CAPN2: variants seen among roughly 807,000 people sequenced by gnomAD.
The protein encoded by CAPN2 is calpain 2, also known as calpain-2 catalytic subunit.
CAPN2 carries 92 observed loss-of-function variants against 102.3 expected under a neutral mutation model. That is an observed-to-expected ratio of 0.90 (90% CI 0.76 to 1.07). The LOEUF (loss-of-function observed/expected upper bound fraction) is 1.07. Among genes scored for constraint, CAPN2 ranks in the 50% least tolerant of loss-of-function variants. The pLI is 0.00. For missense variants in CAPN2, 800 were observed against 909.4 expected (o/e 0.88, Z 1.55); for synonymous variants, 340 against 355.4 (o/e 0.96, Z 0.49).
chr1:223,757,284 G>A (rs1306585431), intron 10 of CAPN2, 85 bp from the exon 11 acceptor site: 13 of 1,432,572 alleles, frequency 9.1e-6, no homozygotes, highest in East Asian at 2.3e-5. Context: ...CAGAGAAAAC[G>A]GGGGCAGCGG....
intron 8 of CAPN2, 45 bp from the exon 9 acceptor site, chr1:223,752,751 G>A (rs1310475556): frequency 6.2e-7 from 1 of 1,603,404 alleles, no homozygotes; most frequent in Non-Finnish European, 8.5e-7. Flanking sequence ...AGGCTTACCA[G>A]TGTGTCTTCT....
chr1:223,711,421 T>A (rs7412088), upstream of CAPN2, among the ~76,000 whole-genome samples: 34,420 of 152,104 alleles, frequency 0.23, 4,677 homozygotes, highest in East Asian at 0.38. Flanking sequence ...GCTCTCTCCC[T>A]ATAGTAACCC....
At chr1:223,735,214 T>C (rs938688012) in intron 2 of CAPN2, among the ~76,000 whole-genome samples, 2 of 152,156 alleles carry the variant, frequency 1.3e-5, no homozygotes, top group African/African-American at 4.8e-5. Flanking sequence ...CAATCTTAAG[T>C]GGCCAGATCA....
rs761930374 is a variant in CAPN2 at position 223,764,132 on chromosome 1, C to T, written c.1633-18C>T. The T allele has an allele frequency of 1.9e-6, 3 of 1,610,620 alleles. No individual in the cohort carries two copies. The African/African-American group carries it at 4.0e-5, about 22-fold the overall frequency. On this transcript the variant is annotated intron_variant, in intron 14 of 20. Coordinates refer to ENST00000295006, the MANE Select transcript of CAPN2 (RefSeq NM_001748.5). Reference sequence around the variant, plus strand: ...CCCACGGGGGGCCAATAACTATGCTCTGGTTATGTGTCCACAGGATGCGGA... The same window carrying T: ...CCCACGGGGGGCCAATAACTATGCTTTGGTTATGTGTCCACAGGATGCGGA...
chr1:223,715,567 C>T (rs1659855719), intron 1 of CAPN2, among the ~76,000 whole-genome samples: 1 of 152,116 alleles, frequency 6.6e-6, no homozygotes, highest in South Asian at 2.1e-4. Context: ...TTTCACAACA[C>T]TGGCAAGAGT....
rs774596610 is a variant in CAPN2, at chr1:223,729,634, G to A, written c.307+11803G>A. 3.5e-4 allele frequency among the ~76,000 whole-genome samples: 53 copies of A among 152,120 alleles called. 2 individuals carry two copies. The highest frequency in any genetic ancestry group is 5.9e-5 in the Non-Finnish European group (4 of 68,034). ...TGGGGAAGGCACAGGGGCTGGAGGG[G>A]GCTCCGAGTCACAGGTGGATTCAGA... On this transcript the variant is annotated intron_variant, in intron 2 of 20. Transcript: ENST00000295006.
At chr1:223,713,345 T>G (rs1162539649) in intron 1 of CAPN2, among the ~76,000 whole-genome samples, 1 of 152,186 alleles carries the variant, frequency 6.6e-6, no homozygotes, top group African/African-American at 2.4e-5. Flanking sequence ...GGCCATAGCC[T>G]GGTCATTTTG....
chr1:223,730,010 C>CAAAAA (rs57382658), intron 2 of CAPN2, among the ~76,000 whole-genome samples: 14 of 79,050 alleles, frequency 1.8e-4, no homozygotes, highest in East Asian at 1.4e-3. Flanking sequence ...CCCAAAAAAC[C>CAAAAA]AAAAAAAAAA....
intron 2 of CAPN2, among the ~76,000 whole-genome samples, chr1:223,722,116 T>G (rs1271963629): frequency 6.6e-6 from 1 of 152,090 alleles, no homozygotes; most frequent in South Asian, 2.1e-4. Flanking sequence ...GACAAACTTG[T>G]GGCCTGTGTT....
chr1:223,715,233 GAGT>G (rs1659846418), intron 1 of CAPN2, among the ~76,000 whole-genome samples: 1 of 152,210 alleles, frequency 6.6e-6, no homozygotes, highest in East Asian at 1.9e-4. Flanking sequence ...GGAAAGGTGA[GAGT>G]AGAAGCCAGA....
upstream of CAPN2, among the ~76,000 whole-genome samples, chr1:223,708,758 T>C (rs1571774543): frequency 8.5e-6 from 1 of 117,952 alleles, no homozygotes; most frequent in Non-Finnish European, 1.7e-5. Context: ...GCAACAAGAG[T>C]GAAACAAGAA....
At position 223,755,619 on chromosome 1, in the gene CAPN2, C is replaced by T. The variant is rs371353695; in HGVS notation, c.1275C>T (p.Asp425=). The T allele has an allele frequency of 1.2e-6, 2 of 1,607,456 alleles. No homozygotes were observed. The highest frequency in any genetic ancestry group is 2.2e-5 in the East Asian group (1 of 44,860). The change falls in exon 10 of 21, where the codon GAC becomes GAT. Residue 425 remains aspartate, a synonymous_variant. Coordinates refer to ENST00000295006, the MANE Select transcript of CAPN2 (RefSeq NM_001748.5). This position sits in a 1 kb window ranked among gnomAD's most constrained non-coding sequence, Gnocchi z 4.1. The part of the protein sequence containing the change: ...HRRRQRKMGE[D]MHTIGFGIYE... ...GGCGGCAGAGGAAGATGGGCGAGGA[C>T]ATGCACACCATCGGCTTTGGCATCT...
intron 9 of CAPN2, among the ~76,000 whole-genome samples, chr1:223,753,285 T>C (rs998567403): frequency 2.6e-5 from 4 of 152,166 alleles, no homozygotes; most frequent in African/African-American, 4.8e-5. Context: ...ACGGAAGCAG[T>C]GCTCAATCCC....
chr1:223,729,039 C>G (rs1660265778), intron 2 of CAPN2, among the ~76,000 whole-genome samples: 1 of 152,212 alleles, frequency 6.6e-6, no homozygotes, highest in South Asian at 2.1e-4. Context: ...CGGTCCTTAA[C>G]TCATCACCAA....
chr1:223,721,349 C>A (rs780299985), intron 2 of CAPN2, among the ~76,000 whole-genome samples: 9 of 152,182 alleles, frequency 5.9e-5, no homozygotes, highest in Non-Finnish European at 4.4e-5. Flanking sequence ...CCCAAGGACC[C>A]AGGAAACTCC....
chr1:223,717,318 T>C (rs10495217), intron 1 of CAPN2, among the ~76,000 whole-genome samples: 13,830 of 151,974 alleles, frequency 0.091, 693 homozygotes, highest in African/African-American at 0.12. Context: ...TGATGCAATA[T>C]GGAAAAGGAG....
At chr1:223,712,462 G>C (rs1356939545), upstream of CAPN2, 3 of 1,142,156 alleles carry the variant, frequency 2.6e-6, no homozygotes, top group Non-Finnish European at 2.1e-6. Context: ...CCAGCAGGCC[G>C]GGAGCGGCTG....
intron 2 of CAPN2, among the ~76,000 whole-genome samples, chr1:223,720,315 C>CTTTTTTTTTTTTTTT (rs35138708): frequency 1.9e-5 from 2 of 107,490 alleles, no homozygotes; most frequent in Non-Finnish European, 1.7e-5. Flanking sequence ...CTCTTTCTCT[C>CTTTTTTTTTTTTTTT]TTTTTTTTTT....
rs1260646910 is a variant in CAPN2, at chr1:223,731,367, T to C, written c.308-12733T>C. ...CAGTTCCCAATGCCCAGCCCCACAA[T>C]GCCCGTCCTGCTGCCTGCCTGTTCT... On this transcript the variant is annotated intron_variant, in intron 2 of 20. Coordinates refer to ENST00000295006, the MANE Select transcript of CAPN2 (RefSeq NM_001748.5). The surrounding 1 kb of genome is among the most constrained non-coding windows in gnomAD (Gnocchi z 4.2). 6.6e-6 allele frequency among the ~76,000 whole-genome samples: 1 copy of C among 152,002 alleles called. No homozygotes were observed.
Sources: allele counts gnomAD v4.1 joint callset (sites outside exome capture counted in the v4.1 genomes callset), GRCh38; gene constraint gnomAD v4.1.1; non-coding constraint Gnocchi (gnomAD v3.1); transcripts MANE v1.5; gene names NCBI Gene and HGNC (gene_info 2026-07-23, HGNC 2026-07-21).